RNF144B: variants seen among roughly 807,000 people sequenced by gnomAD.
RNF144B encodes the protein ring finger protein 144B, also known as E3 ubiquitin-protein ligase RNF144B.
RNF144B carries 25 observed loss-of-function variants against 40.2 expected under a neutral mutation model. That is an observed-to-expected ratio of 0.62 (90% CI 0.45 to 0.87). RNF144B has a LOEUF of 0.87. RNF144B is among the 40% of genes least tolerant of loss of function. The pLI is 0.00. For synonymous variants in RNF144B, 145 were observed against 136.3 expected (o/e 1.06, Z -0.44); for missense variants, 365 against 373.7 (o/e 0.98, Z 0.19).
chr6:18,392,077 A>G (rs1582394581), intron 1 of RNF144B, among the ~76,000 whole-genome samples: 1 of 123,524 alleles, frequency 8.1e-6, no homozygotes. Flanking sequence ...GTGTGGTGGC[A>G]GGTGCCTGTA....
intron 2 of RNF144B, among the ~76,000 whole-genome samples, chr6:18,402,946 T>G (rs543778045): frequency 1.3e-5 from 2 of 152,362 alleles, no homozygotes; most frequent in Non-Finnish European, 2.9e-5. Context: ...CTGGCATGAC[T>G]GACGTCATAG....
intron 2 of RNF144B, among the ~76,000 whole-genome samples, chr6:18,423,326 T>C (rs912617906): frequency 2.6e-5 from 4 of 152,152 alleles, no homozygotes; most frequent in Non-Finnish European, 4.4e-5. Context: ...TCCAGTTTCA[T>C]TGGCTATAGA....
chr6:18,387,439 C>G lies in RNF144B; in HGVS notation c.-228C>G, dbSNP rs1378460452. 4 of 1,209,160 alleles carry G rather than the reference C, an allele frequency of 3.3e-6. No individual in the cohort carries two copies. Among genetic ancestry groups the G allele is most frequent in the Non-Finnish European group, 4.2e-6 (4 of 944,742 alleles). 74.9% of individuals were successfully genotyped at this position (1,209,160 alleles called of 1,614,324 possible). ...GGCGGTCGGGGACTCCGCCTCCTCC[C>G]GACCCGTAGGTCTGGGAGCGCAAGT... On this transcript the variant is annotated 5_prime_UTR_variant, in exon 1 of 8. Coordinates refer to ENST00000259939, the MANE Select transcript of RNF144B (RefSeq NM_182757.4).
chr6:18,430,894 A>G (rs992711114), intron 3 of RNF144B, among the ~76,000 whole-genome samples: 1 of 152,106 alleles, frequency 6.6e-6, no homozygotes, highest in East Asian at 1.9e-4. Context: ...TTTTACTATA[A>G]AAGCATTTTA....
intron 2 of RNF144B, among the ~76,000 whole-genome samples, chr6:18,403,077 T>C (rs1428805632): frequency 6.6e-6 from 1 of 152,254 alleles, no homozygotes; most frequent in African/African-American, 2.4e-5. Flanking sequence ...TGTCTGTTTA[T>C]GACATGCAAA....
chr6:18,456,433 C>G lies in RNF144B; in HGVS notation c.332-722C>G, dbSNP rs1322579219. On this transcript the variant is annotated intron_variant, in intron 4 of 7. Coordinates refer to ENST00000259939, the MANE Select transcript of RNF144B (RefSeq NM_182757.4). The surrounding 1 kb of genome is among the most constrained non-coding windows in gnomAD (Gnocchi z 4.7). ...TTCTCAGTGCCTGAAAGGACAAAGTCTTTTTGGAAAAATATCTTATTAAAA... is the reference window on the plus strand; with the variant it reads ...TTCTCAGTGCCTGAAAGGACAAAGTGTTTTTGGAAAAATATCTTATTAAAA... 2.0e-5 allele frequency among the ~76,000 whole-genome samples: 3 copies of G among 152,188 alleles called. No individual in the cohort carries two copies. The highest frequency in any genetic ancestry group is 4.4e-5 in the Non-Finnish European group (3 of 68,022).
chr6:18,424,170 G>T lies in RNF144B; in HGVS notation c.166-3411G>T, dbSNP rs547998189. Among the ~76,000 whole-genome samples, 467 of 152,246 alleles carry T rather than the reference G, an allele frequency of 3.1e-3. 4 individuals are homozygous for T. Among genetic ancestry groups the T allele is most frequent in the Non-Finnish European group, 5.2e-3 (357 of 68,026 alleles). On this transcript the variant is annotated intron_variant, in intron 2 of 7. Coordinates refer to ENST00000259939, the MANE Select transcript of RNF144B (RefSeq NM_182757.4). ...TATGACATGCACATGGGATTCATGT[G>T]AACGTTTTCACTTATTTTGCACTTT...
Position 18,450,300 on chromosome 6 carries a change from G to C in RNF144B, c.332-6855G>C, listed in dbSNP as rs575030661. 3.4e-5 allele frequency among the ~76,000 whole-genome samples: 5 copies of C among 148,572 alleles called. No homozygotes were observed. In the East Asian group the frequency reaches 9.7e-4, roughly 29 times the overall value. ...GGAACAACTCTGATTTGTAGTGCTTGCCAGTTTTTTTTTTTTAGATGGAGT... is the reference window on the plus strand; with the variant it reads ...GGAACAACTCTGATTTGTAGTGCTTCCCAGTTTTTTTTTTTTAGATGGAGT... On this transcript the variant is annotated intron_variant, in intron 4 of 7. Coordinates refer to ENST00000259939, the MANE Select transcript of RNF144B (RefSeq NM_182757.4). This position sits in a 1 kb window ranked among gnomAD's most constrained non-coding sequence, Gnocchi z 4.7.
At chr6:18,388,581 C>A (rs1348058469) in intron 1 of RNF144B, among the ~76,000 whole-genome samples, 1 of 152,198 alleles carries the variant, frequency 6.6e-6, no homozygotes, top group African/African-American at 2.4e-5. Context: ...TGGTCCCTTT[C>A]ACATCAAATC....
chr6:18,407,802 C>G (rs934000769), intron 2 of RNF144B, among the ~76,000 whole-genome samples: 2 of 151,834 alleles, frequency 1.3e-5, no homozygotes, highest in African/African-American at 4.8e-5. Flanking sequence ...GAAAAATTCT[C>G]CTATAGTGCT....
intron 4 of RNF144B, among the ~76,000 whole-genome samples, chr6:18,445,791 A>G (rs985036320): frequency 6.6e-6 from 1 of 152,210 alleles, no homozygotes; most frequent in East Asian, 1.9e-4. Flanking sequence ...ACTAGGCATC[A>G]GTTCACTTTC....
intron 3 of RNF144B, among the ~76,000 whole-genome samples, chr6:18,429,818 A>C (rs1466562748): frequency 1.3e-5 from 2 of 152,152 alleles, no homozygotes; most frequent in Non-Finnish European, 2.9e-5. Context: ...AGCAAGTCTT[A>C]ATAAAGACCA....
At chr6:18,462,540 C>G (rs1257711847) in intron 6 of RNF144B, among the ~76,000 whole-genome samples, 1 of 152,190 alleles carries the variant, frequency 6.6e-6, no homozygotes, top group Non-Finnish European at 1.5e-5. Context: ...ATGGTTTCTT[C>G]TACCCCATGT....
In RNF144B at chr6:18,465,157, T is replaced by C. The variant is rs796654691; in HGVS notation, c.*90T>C. 28 of 1,374,504 alleles carry C rather than the reference T, an allele frequency of 2.0e-5. No homozygotes were observed. In the South Asian group the frequency reaches 3.6e-4, roughly 18 times the overall value. The allele number at this position is 1,374,504 out of a possible 1,614,324, so 85.1% of individuals were successfully genotyped here. A position where few individuals can be genotyped will look rare whatever the true frequency, so the allele number is the denominator to read the frequency against. On this transcript the variant is annotated 3_prime_UTR_variant, in exon 8 of 8. Coordinates refer to ENST00000259939, the MANE Select transcript of RNF144B (RefSeq NM_182757.4). ...ATTTAGTGACCTTGCCTCCTTCTCC[T>C]TGCCAACTTTGAAAGTGCCTCCGTG...
chr6:18,406,117 A>G lies in RNF144B; in HGVS notation c.165+6418A>G. ...GATGGTTTGAATATAGTGGTGAACG[A>G]TCAGATTAAGCCCTGGTTTTCAAAT... On this transcript the variant is annotated intron_variant, in intron 2 of 7. Coordinates refer to ENST00000259939, the MANE Select transcript of RNF144B (RefSeq NM_182757.4). The surrounding 1 kb of genome is among the most constrained non-coding windows in gnomAD (Gnocchi z 4.2). 2 of 519,038 alleles carry G rather than the reference A, an allele frequency of 3.9e-6. No individual in the cohort carries two copies. The highest frequency in any genetic ancestry group is 2.8e-5 in the South Asian group (2 of 71,594). 32.2% of individuals were successfully genotyped at this position (519,038 alleles called of 1,614,324 possible).
chr6:18,461,360 G>A (rs1562061030), intron 6 of RNF144B, among the ~76,000 whole-genome samples: 1 of 152,132 alleles, frequency 6.6e-6, no homozygotes, highest in Non-Finnish European at 1.5e-5. Context: ...TCTGGATGAG[G>A]ATTTTACTGA....
intron 4 of RNF144B, among the ~76,000 whole-genome samples, chr6:18,445,566 T>C (rs1759063517): frequency 6.6e-6 from 1 of 152,218 alleles, no homozygotes. Context: ...GTAAGTAAAT[T>C]GCAGTTTAAG....
rs143866541 is a variant in RNF144B, at chr6:18,406,405, G to A, written c.165+6706G>A. Among the ~76,000 whole-genome samples the A allele has an allele frequency of 1.0e-3, 153 of 151,994 alleles. 1 individual carries two copies. The highest frequency in any genetic ancestry group is 3.5e-3 in the African/African-American group (145 of 41,464). On this transcript the variant is annotated intron_variant, in intron 2 of 7. Transcript: ENST00000259939. This position sits in a 1 kb window ranked among gnomAD's most constrained non-coding sequence, Gnocchi z 4.2. ...AAGCAGTATGGAGGTCTTAAGTTGG[G>A]AGTGTGCTTGGTGTATCCTGTTACA...
chr6:18,459,612 T>G lies in RNF144B; in HGVS notation c.542T>G (p.Leu181Arg), dbSNP rs1040153897. 2 of 1,612,776 alleles carry G rather than the reference T, an allele frequency of 1.2e-6. No homozygotes were observed. The highest frequency in any genetic ancestry group is 1.7e-5 in the Admixed American group (1 of 59,920). The change falls in exon 6 of 8, where the codon CTC becomes CGC. Residue 181 changes from leucine to arginine, a missense_variant. Transcript: ENST00000259939. The surrounding 1 kb of genome is among the most constrained non-coding windows in gnomAD (Gnocchi z 4.2). Reference protein sequence around the residue: ...PIVLPTEHRALFGTDAEAPIK... With the variant: ...PIVLPTEHRARFGTDAEAPIK... ...CTCATCCATTTTGTTTCTAGAGCCCTCTTTGGGACAGATGCAGAAGCCCCC... is the reference window on the plus strand; with the variant it reads ...CTCATCCATTTTGTTTCTAGAGCCCGCTTTGGGACAGATGCAGAAGCCCCC...
Sources: allele counts gnomAD v4.1 joint callset (sites outside exome capture counted in the v4.1 genomes callset), GRCh38; gene constraint gnomAD v4.1.1; non-coding constraint Gnocchi (gnomAD v3.1); transcripts MANE v1.5; gene names NCBI Gene and HGNC (gene_info 2026-07-23, HGNC 2026-07-21).